CMTM7: variants seen among roughly 807,000 people sequenced by gnomAD.
CMTM7 encodes the protein CKLF like MARVEL transmembrane domain containing 7.
In CMTM7, 7 loss-of-function variants were observed where a neutral mutation model predicts 19.3. The ratio of observed to expected loss-of-function variants is 0.36; its 90% CI spans 0.21 to 0.68. The LOEUF (loss-of-function observed/expected upper bound fraction) is 0.68, where lower values mean the gene tolerates loss of function less well. Ranked by LOEUF, CMTM7 falls within the 30% of genes least tolerant of loss-of-function variation. The probability of loss-of-function intolerance (pLI) is 0.60; values close to 1 mark genes in which losing one functional copy is unlikely to be tolerated. For synonymous variants in CMTM7, 87 were observed against 99.3 expected (o/e 0.88, Z 0.74); for missense variants, 193 against 232.6 (o/e 0.83, Z 1.11).
chr3:32,418,020 C>G lies in CMTM7; in HGVS notation c.160-23820C>G. ...TATTTTTTGTAGAGACCAGGTTTCC[C>G]TGTGTTGCTAAGGCTGGTCTCGAAC... On this transcript the variant is annotated intron_variant, in intron 1 of 4. Transcript: ENST00000334983. Among the ~76,000 whole-genome samples the G allele has an allele frequency of 1.3e-5, 2 of 152,150 alleles. 1 individual carries two copies. The highest frequency in any genetic ancestry group is 2.9e-5 in the Non-Finnish European group (2 of 68,034).
At chr3:32,397,557 AC>A (rs35625996) in intron 1 of CMTM7, among the ~76,000 whole-genome samples, 1 of 151,728 alleles carries the variant, frequency 6.6e-6, no homozygotes, top group Non-Finnish European at 1.5e-5. Flanking sequence ...ACATGGTGAA[AC>A]CCCATCTCTA....
intron 1 of CMTM7, among the ~76,000 whole-genome samples, chr3:32,409,637 T>C (rs750608213): frequency 6.6e-6 from 1 of 152,158 alleles, no homozygotes; most frequent in Non-Finnish European, 1.5e-5. Flanking sequence ...CTTCATGACG[T>C]CAACATTTGT....
In CMTM7 at chr3:32,391,894, C is replaced by G. The variant is rs909055982; in HGVS notation, c.-13C>G. ...GCTGCCCGGGGAGGCGGCCAGCGAG[C>G]TGGGGCCGCGCAATGTCGCACGGAG... On this transcript the variant is annotated 5_prime_UTR_variant, in exon 1 of 5. Transcript: ENST00000334983. The G allele has an allele frequency of 1.2e-5, 14 of 1,215,816 alleles. No individual in the cohort carries two copies. The highest frequency in any genetic ancestry group is 1.3e-5 in the Non-Finnish European group (13 of 977,598). The allele number at this position is 1,215,816 out of a possible 1,614,324, so 75.3% of individuals were successfully genotyped here.
intron 1 of CMTM7, among the ~76,000 whole-genome samples, chr3:32,425,394 A>G (rs1222014082): frequency 1.3e-5 from 2 of 152,052 alleles, no homozygotes; most frequent in Admixed American, 6.5e-5. Context: ...CCTGTGGGAA[A>G]CATGAGCTCC....
At chr3:32,394,225 G>A (rs911511296) in intron 1 of CMTM7, among the ~76,000 whole-genome samples, 7 of 152,008 alleles carry the variant, frequency 4.6e-5, no homozygotes, top group African/African-American at 7.2e-5. Flanking sequence ...ACTCTGCTTG[G>A]GCATTTGAGG....
chr3:32,410,359 T>A (rs1696153563), intron 1 of CMTM7, among the ~76,000 whole-genome samples: 1 of 152,270 alleles, frequency 6.6e-6, no homozygotes, highest in African/African-American at 2.4e-5. Flanking sequence ...ATACTCATCA[T>A]CTTTTTTCAA....
intron 4 of CMTM7, among the ~76,000 whole-genome samples, 154 bp from the exon 5 acceptor site, chr3:32,454,086 AT>A (rs1559417023): frequency 6.6e-6 from 1 of 152,158 alleles, no homozygotes; most frequent in African/African-American, 2.4e-5. Context: ...TTGGAAATGT[AT>A]TTTTAAAAAA....
intron 2 of CMTM7, 65 bp downstream of exon 2, chr3:32,442,078 A>C: frequency 2.0e-6 from 3 of 1,466,528 alleles, no homozygotes; most frequent in Non-Finnish European, 1.9e-6. Flanking sequence ...GAGTACTGAG[A>C]CCTGACAGAG....
chr3:32,431,685 C>T (rs1696522273), intron 1 of CMTM7, among the ~76,000 whole-genome samples: 1 of 152,208 alleles, frequency 6.6e-6, no homozygotes. Context: ...TGGTTAGGAA[C>T]AAGGACTCTG....
intron 1 of CMTM7, among the ~76,000 whole-genome samples, chr3:32,425,347 C>T (rs545842515): frequency 6.6e-6 from 1 of 152,268 alleles, no homozygotes; most frequent in East Asian, 1.9e-4. Context: ...TCTTGGCAGT[C>T]ACACCCTTTT....
intron 2 of CMTM7, among the ~76,000 whole-genome samples, chr3:32,442,613 G>T (rs72858822): frequency 2.0e-5 from 3 of 151,962 alleles, no homozygotes; most frequent in African/African-American, 4.8e-5. Flanking sequence ...AAAGGAACAC[G>T]GAAGGAAATT....
intron 1 of CMTM7, among the ~76,000 whole-genome samples, chr3:32,395,724 CTG>C (rs779400319): frequency 5.0e-4 from 76 of 152,308 alleles, no homozygotes; most frequent in Admixed American, 1.7e-3. Flanking sequence ...CTTTGGGAAA[CTG>C]TGCAGTTTCT....
intron 1 of CMTM7, among the ~76,000 whole-genome samples, chr3:32,406,984 C>T (rs1198577594): frequency 1.3e-5 from 2 of 152,188 alleles, no homozygotes; most frequent in Non-Finnish European, 2.9e-5. Flanking sequence ...CAGAAGGCTG[C>T]AAGCATAATG....
intron 1 of CMTM7, among the ~76,000 whole-genome samples, chr3:32,408,747 G>C (rs954433532): frequency 3.3e-5 from 5 of 152,178 alleles, no homozygotes; most frequent in South Asian, 2.1e-4. Flanking sequence ...TTAAAGATGA[G>C]CTACTGCAGC....
rs1367112009 is a variant in CMTM7 at position 32,449,371 on chromosome 3, T to C, written c.334-83T>C. On this transcript the variant is annotated intron_variant, in intron 2 of 4. Transcript: ENST00000334983. This position sits in a 1 kb window ranked among gnomAD's most constrained non-coding sequence, Gnocchi z 4.5. Reference sequence around the variant, plus strand: ...GAAGCGTCACTCTCTCCCTTTCTTTTCATGTCTTCTGATGCCCAGTTGCTC... The same window carrying C: ...GAAGCGTCACTCTCTCCCTTTCTTTCCATGTCTTCTGATGCCCAGTTGCTC... The C allele has an allele frequency of 1.9e-5, 18 of 931,970 alleles. No homozygotes were observed. The highest frequency in any genetic ancestry group is 3.0e-5 in the Non-Finnish European group (17 of 557,826). 57.7% of individuals were successfully genotyped at this position (931,970 alleles called of 1,614,324 possible).
chr3:32,392,788 A>ATGAG (rs1203906504), intron 1 of CMTM7, among the ~76,000 whole-genome samples: 2 of 152,180 alleles, frequency 1.3e-5, no homozygotes, highest in African/African-American at 4.8e-5. Flanking sequence ...GCCAGGCAGG[A>ATGAG]TGAGTGTCTG....
intron 1 of CMTM7, among the ~76,000 whole-genome samples, chr3:32,392,403 T>A (rs1695850467): frequency 6.6e-6 from 1 of 152,202 alleles, no homozygotes; most frequent in South Asian, 2.1e-4. Context: ...TTTCTTCCTC[T>A]TCTCTGGGCC....
chr3:32,402,849 C>A (rs565739987), intron 1 of CMTM7, among the ~76,000 whole-genome samples: 41 of 152,316 alleles, frequency 2.7e-4, no homozygotes, highest in African/African-American at 9.9e-4. Flanking sequence ...AGGCGTGAGC[C>A]ACTATGGCCG....
intron 1 of CMTM7, among the ~76,000 whole-genome samples, chr3:32,401,972 G>C (rs923423884): frequency 1.3e-5 from 2 of 152,226 alleles, no homozygotes; most frequent in Non-Finnish European, 2.9e-5. Flanking sequence ...CGCCTCACCT[G>C]ACTTGTGTTT....
Sources: gnomAD v4.1 joint callset for allele counts (sites outside exome capture counted in the v4.1 genomes callset) on GRCh38, gnomAD v4.1.1 for gene constraint, Gnocchi (gnomAD v3.1) non-coding constraint, MANE v1.5 for transcripts, NCBI Gene and HGNC (gene_info 2026-07-23, HGNC 2026-07-21) for gene names.